Variants in E2F5 observed in about 807,000 individuals in gnomAD.
The protein encoded by E2F5 is transcription factor E2F5.
Under a neutral mutation model 39.1 loss-of-function variants are expected in E2F5, and 23 were observed. The ratio of observed to expected loss-of-function variants is 0.59; its 90% confidence interval spans 0.42 to 0.83. E2F5 has a LOEUF of 0.83. E2F5 is among the 40% of genes least tolerant of loss of function. The pLI is 0.00. For missense variants in E2F5, 365 were observed against 406.7 expected, an observed-to-expected ratio of 0.90 and a Z score of 0.88; for synonymous variants, 145 against 157.8, an observed-to-expected ratio of 0.92 and a Z score of 0.61.
intron 1 of E2F5, among the ~76,000 whole-genome samples, chr8:85,196,053 A>AT (rs1401491886): frequency 6.6e-6 from 1 of 152,194 alleles, no homozygotes; most frequent in African/African-American, 2.4e-5. Context: ...AAAATATCAA[A>AT]TACAGTAGCA....
At chr8:85,191,465 A>C (rs1812463698) in intron 1 of E2F5, among the ~76,000 whole-genome samples, 1 of 152,242 alleles carries the variant, frequency 6.6e-6, no homozygotes, top group Non-Finnish European at 1.5e-5. Flanking sequence ...AGTATGTGAG[A>C]TAAAGCATGT....
intron 7 of E2F5, chr8:85,212,600 T>C (rs1812958808): frequency 1.3e-5 from 2 of 158,274 alleles, no homozygotes; most frequent in South Asian, 3.9e-4. Flanking sequence ...TTAGTATTAA[T>C]ATTAACCATG....
chr8:85,181,847 G>A (rs1373006292), intron 1 of E2F5, among the ~76,000 whole-genome samples: 1 of 151,178 alleles, frequency 6.6e-6, no homozygotes. Flanking sequence ...TGTAATCCCA[G>A]CTACTTGGCA....
At chr8:85,206,103 C>A in intron 3 of E2F5, 74 bp from the exon 4 acceptor site, 1 of 1,414,760 alleles carries the variant, frequency 7.1e-7, no homozygotes, top group Non-Finnish European at 9.9e-7. Flanking sequence ...TTATTTTGAC[C>A]TTCAGATGTA....
At chr8:85,212,383 CT>C in intron 7 of E2F5, 179 bp downstream of exon 7, 1 of 549,300 alleles carries the variant, frequency 1.8e-6, no homozygotes, top group Non-Finnish European at 3.2e-6. Flanking sequence ...ATTTATTTTT[CT>C]TTGCTTGCAT....
Position 85,202,244 on chromosome 8 carries a change from G to C in E2F5, c.332G>C (p.Ser111Thr). 1 of 1,607,954 alleles carries C rather than the reference G, an allele frequency of 6.2e-7. No individual in the cohort carries two copies. The highest frequency in any genetic ancestry group is 2.2e-5 in the East Asian group (1 of 44,738). The change falls in exon 2 of 8, where the codon AGT becomes ACT. Residue 111 changes from serine to threonine, a missense_variant. Ser to Thr is a moderately conservative substitution (Grantham distance 58). Coordinates refer to ENST00000416274, the MANE Select transcript of E2F5 (RefSeq NM_001951.4). ...IDLIEKKSKN[S>T]IQWKGVGAGC... ...TTGATTGAAAAAAAGTCAAAAAACA[G>C]TATCCAGTGGAAGTAAGTTACAAAC...
At chr8:85,185,775 T>C (rs1002332190) in intron 1 of E2F5, among the ~76,000 whole-genome samples, 3 of 152,204 alleles carry the variant, frequency 2.0e-5, no homozygotes, top group Non-Finnish European at 4.4e-5. Context: ...TCGTCACTGG[T>C]CATTGGAAAA....
chr8:85,178,949 T>C (rs1587477595), intron 1 of E2F5, among the ~76,000 whole-genome samples: 1 of 152,364 alleles, frequency 6.6e-6, no homozygotes, highest in South Asian at 2.1e-4. Context: ...TGCATTTTGG[T>C]AAGTAATTTC....
intron 1 of E2F5, among the ~76,000 whole-genome samples, chr8:85,196,615 A>G (rs1313659346): frequency 6.6e-6 from 1 of 152,220 alleles, no homozygotes; most frequent in Non-Finnish European, 1.5e-5. Context: ...AAATCATATA[A>G]GTCCATTTAA....
chr8:85,177,229 AG>A lies in E2F5; in HGVS notation c.-190del. On this transcript the variant is annotated 5_prime_UTR_variant, in exon 1 of 8. Transcript: ENST00000416274. ...TTCCCCGGGCTTGGGGAGGGGGCGG[AG>A]GCCCGGCGTGACAAGCGGCCCAGAC... 3.4e-6 allele frequency: 1 copy of A among 291,014 alleles called. No individual in the cohort carries two copies. The highest frequency in any genetic ancestry group is 5.1e-6 in the Non-Finnish European group (1 of 195,152). The allele number at this position is 291,014 out of a possible 1,614,324, so 18.0% of individuals were successfully genotyped here. A position where few individuals can be genotyped will look rare whatever the true frequency, so the allele number is the denominator to read the frequency against.
chr8:85,182,837 A>G (rs1025598949), intron 1 of E2F5, among the ~76,000 whole-genome samples: 3 of 152,200 alleles, frequency 2.0e-5, no homozygotes, highest in Non-Finnish European at 4.4e-5. Flanking sequence ...AACTTAATAA[A>G]TTACCTGAAT....
intron 1 of E2F5, among the ~76,000 whole-genome samples, chr8:85,179,355 C>G (rs1324806332): frequency 6.6e-6 from 1 of 152,182 alleles, no homozygotes; most frequent in Non-Finnish European, 1.5e-5. Context: ...CCTTTCTTGA[C>G]TTGAAATTCT....
chr8:85,195,565 C>T (rs1455908709), intron 1 of E2F5, among the ~76,000 whole-genome samples: 1 of 152,102 alleles, frequency 6.6e-6, no homozygotes, highest in African/African-American at 2.4e-5. Context: ...TCATGGCCCA[C>T]TGCAACCTCA....
Position 85,214,106 on chromosome 8 carries a change from T to C in E2F5, c.*244T>C. ...TCCCCACTCCCAAAAGTAACTATAT[T>C]CTGGATTTCAACTTTTCTTCTAATT... On this transcript the variant is annotated 3_prime_UTR_variant, in exon 8 of 8. Coordinates refer to ENST00000416274, the MANE Select transcript of E2F5 (RefSeq NM_001951.4). The C allele has an allele frequency of 1.7e-6, 1 of 577,256 alleles. No individual in the cohort carries two copies. The highest frequency in any genetic ancestry group is 3.2e-6 in the Non-Finnish European group (1 of 310,446). The allele number at this position is 577,256 out of a possible 1,614,324, so 35.8% of individuals were successfully genotyped here.
chr8:85,190,495 TC>T (rs1812436743), intron 1 of E2F5, among the ~76,000 whole-genome samples: 1 of 127,472 alleles, frequency 7.8e-6, no homozygotes, highest in African/African-American at 3.0e-5. Context: ...GGGAGATTTT[TC>T]CTTTTTTTTT....
chr8:85,181,814 T>C (rs998728016), intron 1 of E2F5, among the ~76,000 whole-genome samples: 1 of 151,372 alleles, frequency 6.6e-6, no homozygotes, highest in Non-Finnish European at 1.5e-5. Flanking sequence ...ACAAAAAAAT[T>C]AGCCAGGCGT....
chr8:85,202,473 T>G (rs1480050457), intron 2 of E2F5, among the ~76,000 whole-genome samples: 1 of 152,212 alleles, frequency 6.6e-6, no homozygotes, highest in Admixed American at 6.5e-5. Context: ...ATTCAAATCT[T>G]ACTTTCTCCC....
chr8:85,207,399 A>G, intron 4 of E2F5, 26 bp from the exon 5 acceptor site: 1 of 1,543,572 alleles, frequency 6.5e-7, no homozygotes, highest in Non-Finnish European at 8.8e-7. Context: ...TATTTTATGT[A>G]ACTTTTTATA....
rs1338986546 is a variant in E2F5 at position 85,177,502 on chromosome 8, C to T, written c.82C>T (p.Pro28Ser). Residue 28 changes from proline to serine, a missense_variant, in exon 1 of 8, where the codon CCG (proline) becomes TCG (serine). Pro to Ser is a moderately conservative substitution (Grantham distance 74). Coordinates refer to ENST00000416274, the MANE Select transcript of E2F5 (RefSeq NM_001951.4). ...GGGCCAGCGGCCGCCGCCGCAGCCT[C>T]CGCAGGCGCAAGCCCCGCAGCCGCC... ...GQGQRPPPQPPQAQAPQPPPP... is the reference protein window; with the variant it reads ...GQGQRPPPQPSQAQAPQPPPP... The T allele has an allele frequency of 7.4e-6, 8 of 1,082,222 alleles. No individual in the cohort carries two copies. Among genetic ancestry groups the T allele is most frequent in the Non-Finnish European group, 1.1e-6 (1 of 894,598 alleles). The allele number at this position is 1,082,222 out of a possible 1,614,324, so 67.0% of individuals were successfully genotyped here. A position where few individuals can be genotyped will look rare whatever the true frequency, so the allele number is the denominator to read the frequency against.
Sources: gnomAD v4.1 joint callset for allele counts (sites outside exome capture counted in the v4.1 genomes callset) on GRCh38, gnomAD v4.1.1 for gene constraint, MANE v1.5 for transcripts, NCBI Gene and HGNC (gene_info 2026-07-23, HGNC 2026-07-21) for gene names.